SLBP: variants seen among roughly 807,000 people sequenced by gnomAD.
SLBP encodes the protein stem-loop histone mRNA binding protein, also known as histone RNA hairpin-binding protein.
Under a neutral mutation model 39.2 loss-of-function variants are expected in SLBP, and 29 were observed. The observed-to-expected ratio is 0.74, with a 90% confidence interval of 0.55 to 1.01. SLBP has a LOEUF of 1.01. Among genes scored for constraint, SLBP ranks in the 50% least tolerant of loss-of-function variants. The probability of loss-of-function intolerance (pLI) is 0.00; values close to 1 mark genes in which losing one functional copy is unlikely to be tolerated. For missense variants in SLBP, 390 were observed against 350.2 expected (o/e 1.11, Z -0.91); for synonymous variants, 129 against 118.7 (o/e 1.09, Z -0.57).
chr4:1,711,283 C>A (rs1716758696), intron 2 of SLBP, among the ~76,000 whole-genome samples: 1 of 151,792 alleles, frequency 6.6e-6, no homozygotes, highest in South Asian at 2.1e-4. Context: ...CAAGTCACCA[C>A]GCCTTTCAGG....
intron 2 of SLBP, among the ~76,000 whole-genome samples, chr4:1,707,459 G>C (rs1248446554): frequency 6.7e-6 from 1 of 149,852 alleles, no homozygotes; most frequent in Non-Finnish European, 1.5e-5. Flanking sequence ...TCCAGCCTGG[G>C]CAACAGAACG....
At chr4:1,698,679 T>A (rs777668367) in intron 5 of SLBP, among the ~76,000 whole-genome samples, 1 of 151,826 alleles carries the variant, frequency 6.6e-6, no homozygotes. Context: ...AGAGACGGGG[T>A]TCCACCGTGT....
Position 1,696,270 on chromosome 4 carries a change from G to C in SLBP, c.561C>G (p.Ile187Met), listed in dbSNP as rs763022541. Reference protein sequence around the residue: ...KYSRRSWDQQIKLWKVALHFW... With the variant: ...KYSRRSWDQQMKLWKVALHFW... ...AATGCAGAGCCACCTTCCAGAGTTTGATTTGCTGGTCCCATGAACGTCGAC... is the reference window on the plus strand; with the variant it reads ...AATGCAGAGCCACCTTCCAGAGTTTCATTTGCTGGTCCCATGAACGTCGAC... The change falls in exon 6 of 8, where the codon ATC becomes ATG. Residue 187 changes from isoleucine (I) to methionine (M), a missense_variant. By Grantham distance (10) the Ile-to-Met change is conservative. Transcript: ENST00000489418. 6.2e-7 allele frequency: 1 copy of C among 1,605,192 alleles called. No homozygotes were observed. Among genetic ancestry groups the C allele is most frequent in the Non-Finnish European group, 8.5e-7 (1 of 1,176,558 alleles).
Position 1,693,701 on chromosome 4 carries a change from C to G in SLBP, c.709G>C (p.Gly237Arg). 1 of 1,608,122 alleles carries G rather than the reference C, an allele frequency of 6.2e-7. No homozygotes were observed. Among genetic ancestry groups the G allele is most frequent in the African/African-American group, 1.3e-5 (1 of 74,912 alleles). ...SSQDDFDVYS[G>R]TPTKVRHMDS... ...ATGTGTCTCACCTTGGTGGGTGTGC[C>G]AGAGTACACATCCTGGAAAACAGAA... Residue 237 changes from glycine to arginine, a missense_variant, in exon 8 of 8, where the codon GGC becomes CGC. Transcript: ENST00000489418.
intron 3 of SLBP, among the ~76,000 whole-genome samples, chr4:1,701,336 G>A (rs377078992): frequency 2.0e-5 from 3 of 151,672 alleles, no homozygotes; most frequent in African/African-American, 7.3e-5. Flanking sequence ...TAGTAGAGAC[G>A]GGGTTTCTCC....
Position 1,703,029 on chromosome 4 carries a change from G to A in SLBP, c.281+567C>T, listed in dbSNP as rs148381629. ...TGGGAGGCCGAGGTGGGCGGATCAG[G>A]AGTTCAAGACCAGCCTGACAAACAT... is the stretch of plus-strand genomic sequence containing the variant. On this transcript the variant is annotated intron_variant, in intron 3 of 7. Transcript: ENST00000489418. Among the ~76,000 whole-genome samples, 819 of 152,100 alleles carry A rather than the reference G, an allele frequency of 5.4e-3. 4 individuals are homozygous for A. The highest frequency in any genetic ancestry group is 0.019 in the African/African-American group (778 of 41,496).
chr4:1,704,701 C>G (rs1176756308), intron 2 of SLBP, among the ~76,000 whole-genome samples: 1 of 152,138 alleles, frequency 6.6e-6, no homozygotes, highest in African/African-American at 2.4e-5. Flanking sequence ...AGGTAAGTCT[C>G]TAATTGAGGC....
At chr4:1,694,438 C>A (rs1443179074) in intron 7 of SLBP, among the ~76,000 whole-genome samples, 2 of 149,736 alleles carry the variant, frequency 1.3e-5, no homozygotes, top group African/African-American at 4.9e-5. Flanking sequence ...GTTGCCCAGG[C>A]TGGAGTGCAA....
At position 1,698,647 on chromosome 4, in the gene SLBP, G is replaced by T. The variant is rs114630771; in HGVS notation, c.479+917C>A. On this transcript the variant is annotated intron_variant, in intron 5 of 7. Transcript: ENST00000489418. ...CTACAAATGTGTGCCACCACGCCCA[G>T]CAAATTTCTTGTATTTTTAGTAGAG... is the stretch of plus-strand genomic sequence containing the variant. Among the ~76,000 whole-genome samples the T allele has an allele frequency of 5.5e-3, 830 of 151,688 alleles. 6 individuals are homozygous for T. The highest frequency in any genetic ancestry group is 0.018 in the African/African-American group (732 of 41,364).
intron 5 of SLBP, among the ~76,000 whole-genome samples, chr4:1,696,899 A>G (rs1716127881): frequency 6.7e-6 from 1 of 148,740 alleles, no homozygotes; most frequent in South Asian, 2.1e-4. Context: ...TTCACCTCCA[A>G]AAAAAAAAAA....
intron 2 of SLBP, among the ~76,000 whole-genome samples, chr4:1,706,985 C>T (rs1454061712): frequency 1.3e-5 from 2 of 150,102 alleles, no homozygotes; most frequent in Admixed American, 1.3e-4. Flanking sequence ...TTTGGGAGGC[C>T]GAGGCGGGTG....
intron 2 of SLBP, among the ~76,000 whole-genome samples, chr4:1,705,640 T>C (rs983580030): frequency 6.6e-6 from 1 of 152,240 alleles, no homozygotes; most frequent in African/African-American, 2.4e-5. Flanking sequence ...TACTGAGGGA[T>C]GATAATCTTC....
intron 2 of SLBP, among the ~76,000 whole-genome samples, chr4:1,708,769 T>A (rs1315620874): frequency 6.6e-6 from 1 of 152,204 alleles, no homozygotes; most frequent in Non-Finnish European, 1.5e-5. Context: ...AAAGAGTACT[T>A]CTAGATCTTA....
chr4:1,706,163 T>C (rs576099594), intron 2 of SLBP, among the ~76,000 whole-genome samples: 31 of 152,144 alleles, frequency 2.0e-4, no homozygotes, highest in Non-Finnish European at 3.7e-4. Flanking sequence ...TGCGCACCAG[T>C]AGGCCCCAGC....
At chr4:1,706,019 C>T (rs945936285) in intron 2 of SLBP, among the ~76,000 whole-genome samples, 1 of 152,188 alleles carries the variant, frequency 6.6e-6, no homozygotes, top group African/African-American at 2.4e-5. Flanking sequence ...GACAGTGGCT[C>T]ATACTTGTAA....
At chr4:1,709,873 G>A (rs534948625) in intron 2 of SLBP, among the ~76,000 whole-genome samples, 7 of 152,242 alleles carry the variant, frequency 4.6e-5, no homozygotes, top group African/African-American at 1.4e-4. Context: ...TTGCCAAGGC[G>A]CTGGGATTAC....
rs752000036 is a variant in SLBP, at chr4:1,693,589, G to A, written c.*8C>T. On this transcript the variant is annotated 3_prime_UTR_variant, in exon 8 of 8. Coordinates refer to ENST00000489418, the MANE Select transcript of SLBP (RefSeq NM_006527.4). ...GAGCTGTTTCTCTTCCTGGCCGCCAGGGGGCAGTTAGCTCATGGCTGAGAA... is the reference window on the plus strand; with the variant it reads ...GAGCTGTTTCTCTTCCTGGCCGCCAAGGGGCAGTTAGCTCATGGCTGAGAA... The A allele has an allele frequency of 3.2e-6, 5 of 1,565,116 alleles. No individual in the cohort carries two copies. The highest frequency in any genetic ancestry group is 3.5e-6 in the Non-Finnish European group (4 of 1,135,358).
rs546766372 is a variant in SLBP, at chr4:1,709,527, G to A, written c.176+2347C>T. Reference sequence around the variant, plus strand: ...CTCCAATAAGTTAGATATGCTGTTTGAGCACAAAGGAGATTCATTGAAACC... The same window carrying A: ...CTCCAATAAGTTAGATATGCTGTTTAAGCACAAAGGAGATTCATTGAAACC... On this transcript the variant is annotated intron_variant, in intron 2 of 7. Coordinates refer to ENST00000489418, the MANE Select transcript of SLBP (RefSeq NM_006527.4). Among the ~76,000 whole-genome samples the A allele has an allele frequency of 3.9e-5, 6 of 152,190 alleles. No homozygotes were observed. The South Asian group carries it at 1.2e-3, about 32-fold the overall frequency.
chr4:1,705,044 CAGCCTCCCGAGTAGCTGAAATTA>C (rs1466319793), intron 2 of SLBP, among the ~76,000 whole-genome samples: 1 of 152,264 alleles, frequency 6.6e-6, no homozygotes, highest in East Asian at 1.9e-4. Context: ...TCTCCTGCCT[CAGCCTCCCGAGTAGCTGAAATTA>C]CAGGCATGAG....
Sources: gnomAD v4.1 joint callset for allele counts (sites outside exome capture counted in the v4.1 genomes callset) on GRCh38, gnomAD v4.1.1 for gene constraint, MANE v1.5 for transcripts, NCBI Gene and HGNC (gene_info 2026-07-23, HGNC 2026-07-21) for gene names.